The following FNIP1 variants were observed in gnomAD, a reference collection of about 807,000 sequenced individuals.
FNIP1 encodes the protein folliculin-interacting protein 1.
A neutral mutation model predicts 124.5 loss-of-function variants in FNIP1; 40 were observed. That is an observed-to-expected ratio of 0.32 (90% CI 0.25 to 0.42). FNIP1 has a LOEUF of 0.42. Ranked by LOEUF, FNIP1 falls within the 10% of genes least tolerant of loss-of-function variation. FNIP1 has a pLI of 1.00. For synonymous variants in FNIP1, 472 were observed against 470.6 expected, an observed-to-expected ratio of 1.00 and a Z score of -0.04; for missense variants, 1,176 against 1,403.7, an observed-to-expected ratio of 0.84 and a Z score of 2.59.
In FNIP1 at chr5:131,744,599, T is replaced by C; in HGVS notation, c.184A>G (p.Ser62Gly). The change falls in exon 2 of 18, where the codon AGT becomes GGT. Residue 62 changes from serine (S) to glycine (G), a missense_variant. Coordinates refer to ENST00000510461, the MANE Select transcript of FNIP1 (RefSeq NM_133372.3). ...RRGRNVLFDS[S>G]VKRRNEDISV... ...ATGTCCTCATTTCTTCTCTTAACAC[T>C]GGAGTCAAACAAAACATTTCTCCCT... 6.2e-7 allele frequency: 1 copy of C among 1,610,104 alleles called. No individual in the cohort carries two copies.
chr5:131,641,844 T>C lies in FNIP1; in HGVS notation c.*2841A>G, dbSNP rs958024501. On this transcript the variant is annotated 3_prime_UTR_variant, in exon 18 of 18. Transcript: ENST00000510461. ...GTACATATCCAACATCTAAGTAACT[T>C]AGAAAAAGCAGAACAATCTCATAAG... 2.6e-5 allele frequency: 4 copies of C among 152,730 alleles called. No homozygotes were observed. Among genetic ancestry groups the C allele is most frequent in the Non-Finnish European group, 4.4e-5 (3 of 68,020 alleles). 9.5% of individuals were successfully genotyped at this position (152,730 alleles called of 1,614,324 possible).
chr5:131,644,551 T>C lies in FNIP1; in HGVS notation c.*134A>G, dbSNP rs1238792972. 2.8e-6 allele frequency: 2 copies of C among 703,748 alleles called. No individual in the cohort carries two copies. The highest frequency in any genetic ancestry group is 3.6e-5 in the African/African-American group (2 of 56,306). The allele number at this position is 703,748 out of a possible 1,614,324, so 43.6% of individuals were successfully genotyped here. A position where few individuals can be genotyped will look rare whatever the true frequency, so the allele number is the denominator to read the frequency against. On this transcript the variant is annotated 3_prime_UTR_variant, in exon 18 of 18. Coordinates refer to ENST00000510461, the MANE Select transcript of FNIP1 (RefSeq NM_133372.3). ...GACATACACAGAATATACAATGCTA[T>C]GCAGAATACCCTGGTGACTGACTCA...
chr5:131,733,114 G>C (rs917760895), intron 2 of FNIP1, among the ~76,000 whole-genome samples: 22 of 152,196 alleles, frequency 1.4e-4, no homozygotes, highest in Non-Finnish European at 2.6e-4. Context: ...GTTCACTCAT[G>C]ATTTGGCTCT....
chr5:131,693,309 TATATATAC>T (rs201976775), intron 11 of FNIP1, among the ~76,000 whole-genome samples: 475 of 29,944 alleles, frequency 0.016, 17 homozygotes, highest in African/African-American at 0.044. Context: ...TATATATATA[TATATATAC>T]ACATATATAT....
At chr5:131,649,036 C>T (rs1766970985) in intron 16 of FNIP1, among the ~76,000 whole-genome samples, 1 of 152,026 alleles carries the variant, frequency 6.6e-6, no homozygotes, top group South Asian at 2.1e-4. Flanking sequence ...TATATTATAC[C>T]ACATTTTGTT....
chr5:131,701,123 C>T (rs1768888008), intron 10 of FNIP1, among the ~76,000 whole-genome samples: 1 of 152,136 alleles, frequency 6.6e-6, no homozygotes, highest in Non-Finnish European at 1.5e-5. Flanking sequence ...ATTAGATTCT[C>T]ATAGGAGCGC....
intron 15 of FNIP1, among the ~76,000 whole-genome samples, chr5:131,662,063 A>G (rs1222048423): frequency 2.0e-5 from 3 of 152,176 alleles, no homozygotes; most frequent in Non-Finnish European, 4.4e-5. Flanking sequence ...CCATCCAGAG[A>G]ACAGGAATTT....
At chr5:131,646,220 A>G (rs866994537) in intron 17 of FNIP1, among the ~76,000 whole-genome samples, 2 of 152,218 alleles carry the variant, frequency 1.3e-5, no homozygotes, top group Middle Eastern at 3.2e-3. Context: ...GAATATAAAT[A>G]GGGTCTAAAG....
chr5:131,675,864 T>C (rs1230194796), intron 13 of FNIP1, among the ~76,000 whole-genome samples: 4 of 152,126 alleles, frequency 2.6e-5, no homozygotes, highest in Non-Finnish European at 5.9e-5. Context: ...CTTATCAAAT[T>C]GCTTTATTTT....
chr5:131,647,123 C>CG lies in FNIP1; in HGVS notation c.3388dup (p.Arg1130ProfsTer14). 6.2e-7 allele frequency: 1 copy of CG among 1,614,130 alleles called. No individual in the cohort carries two copies. The highest frequency in any genetic ancestry group is 8.5e-7 in the Non-Finnish European group (1 of 1,179,996). ...CACTCCCAGCTCCTTGACATGAACA[C>CG]GCATCTGCCCCCTCAGGTATTCAGA... is the stretch of plus-strand genomic sequence containing the variant. On this transcript the variant is annotated frameshift_variant, in exon 17 of 18. Coordinates refer to ENST00000510461, the MANE Select transcript of FNIP1 (RefSeq NM_133372.3). LOFTEE classifies it high-confidence loss of function.
At chr5:131,765,728 T>C (rs943234954) in intron 1 of FNIP1, among the ~76,000 whole-genome samples, 1 of 152,234 alleles carries the variant, frequency 6.6e-6, no homozygotes, top group African/African-American at 2.4e-5. Flanking sequence ...GGTGATACTT[T>C]CTTCACCTTT....
chr5:131,734,180 CT>C, intron 2 of FNIP1, among the ~76,000 whole-genome samples: 1 of 152,080 alleles, frequency 6.6e-6, no homozygotes, highest in Non-Finnish European at 1.5e-5. Context: ...GTGATATCCC[CT>C]TTATCATTTT....
chr5:131,743,241 G>A (rs539370011), intron 2 of FNIP1, among the ~76,000 whole-genome samples: 3 of 152,204 alleles, frequency 2.0e-5, no homozygotes, highest in East Asian at 1.9e-4. Flanking sequence ...GAGACTGGAA[G>A]TAGTCAACAA....
intron 16 of FNIP1, among the ~76,000 whole-genome samples, chr5:131,648,627 T>C (rs1476849892): frequency 6.6e-6 from 1 of 152,194 alleles, no homozygotes; most frequent in Non-Finnish European, 1.5e-5. Context: ...TATATGTAGA[T>C]ATAAAATATG....
chr5:131,659,469 AT>A (rs1057302624), intron 15 of FNIP1, among the ~76,000 whole-genome samples: 1 of 152,166 alleles, frequency 6.6e-6, no homozygotes, highest in Non-Finnish European at 1.5e-5. Flanking sequence ...GTGACATAGT[AT>A]AGCTTCTCCT....
At position 131,782,319 on chromosome 5, in the gene FNIP1, C is replaced by T. The variant is rs116044230; in HGVS notation, c.92+14511G>A. 5.3e-3 allele frequency among the ~76,000 whole-genome samples: 807 copies of T among 151,864 alleles called. 4 individuals are homozygous for T. Among genetic ancestry groups the T allele is most frequent in the African/African-American group, 0.019 (770 of 41,414 alleles). On this transcript the variant is annotated intron_variant, in intron 1 of 17. Transcript: ENST00000510461. ...ATCCCAGCACCTTGGGAGGCTGAGACGGGGGGATCTCTTGAGCCCAGGAGT... is the reference window on the plus strand; with the variant it reads ...ATCCCAGCACCTTGGGAGGCTGAGATGGGGGGATCTCTTGAGCCCAGGAGT...
chr5:131,784,749 A>G (rs1164072803), intron 1 of FNIP1, among the ~76,000 whole-genome samples: 1 of 151,464 alleles, frequency 6.6e-6, no homozygotes, highest in African/African-American at 2.4e-5. Context: ...TTGAGCCCAG[A>G]TGATCGAGGC....
intron 2 of FNIP1, among the ~76,000 whole-genome samples, chr5:131,740,187 T>C (rs529878808): frequency 1.7e-4 from 26 of 152,362 alleles, no homozygotes; most frequent in African/African-American, 6.0e-4. Context: ...AGTGTATGCA[T>C]AGGCAACTTT....
At chr5:131,689,128 T>G (rs1216592736) in intron 11 of FNIP1, among the ~76,000 whole-genome samples, 1 of 147,292 alleles carries the variant, frequency 6.8e-6, no homozygotes, top group Non-Finnish European at 1.5e-5. Context: ...AAGAACTGCA[T>G]TAGAGTTCTT....
Sources: gnomAD v4.1 joint callset for allele counts (sites outside exome capture counted in the v4.1 genomes callset) on GRCh38, gnomAD v4.1.1 for gene constraint, MANE v1.5 for transcripts, NCBI Gene and HGNC (gene_info 2026-07-23, HGNC 2026-07-21) for gene names.